Variants in DPY19L4 observed in about 807,000 individuals in gnomAD.
DPY19L4 encodes probable C-mannosyltransferase DPY19L4.
In DPY19L4, 97 loss-of-function variants were observed where a neutral mutation model predicts 102.8. The ratio of observed to expected loss-of-function variants is 0.94; its 90% CI spans 0.80 to 1.12. The LOEUF (loss-of-function observed/expected upper bound fraction) is 1.12. Ranked by LOEUF, DPY19L4 falls within the 50% of genes most tolerant of loss-of-function variation. The probability of loss-of-function intolerance (pLI) is 0.00; values close to 1 mark genes in which losing one functional copy is unlikely to be tolerated. For synonymous variants in DPY19L4, 252 were observed against 283.1 expected (o/e 0.89, Z 1.10); for missense variants, 815 against 850.4 (o/e 0.96, Z 0.52).
Position 94,768,453 on chromosome 8 carries a change from T to G in DPY19L4, c.1234T>G (p.Phe412Val). 2 of 1,609,762 alleles carry G rather than the reference T, an allele frequency of 1.2e-6. No individual in the cohort carries two copies. The highest frequency in any genetic ancestry group is 1.7e-6 in the Non-Finnish European group (2 of 1,178,386). ...ATCCCTGCAGGCACCATCTCAAGAT[T>G]TTTTTCTGCGATTGACACAGTCTTC... Reference protein sequence around the residue: ...QESLQAPSQDFFLRLTQSSLL... With the variant: ...QESLQAPSQDVFLRLTQSSLL... The change falls in exon 12 of 19, where the codon TTT becomes GTT. Residue 412 changes from phenylalanine to valine, a missense_variant. By Grantham distance (50) the Phe-to-Val change is conservative (BLOSUM62 -1). Transcript: ENST00000414645.
In DPY19L4 at chr8:94,734,759, G is replaced by A; in HGVS notation, c.252+5G>A. ...TTCTGGTTTTCCAACAGGCAGGTAA[G>A]AAGAAAGAATTTTGAGCATATGAAA... On this transcript the variant is annotated splice_donor_5th_base_variant and intron_variant, in intron 3 of 18. Transcript: ENST00000414645. 1 of 1,613,248 alleles carries A rather than the reference G, an allele frequency of 6.2e-7. No homozygotes were observed. The highest frequency in any genetic ancestry group is 1.3e-5 in the African/African-American group (1 of 75,020).
chr8:94,780,437 A>G, intron 15 of DPY19L4, 22 bp downstream of exon 15: 4 of 1,383,398 alleles, frequency 2.9e-6, no homozygotes, highest in Non-Finnish European at 3.9e-6. Context: ...AGATTTTTAT[A>G]TTAATAAAAT....
At chr8:94,750,561 CTG>C (rs143871399) in intron 6 of DPY19L4, among the ~76,000 whole-genome samples, 5,438 of 150,542 alleles carry the variant, frequency 0.036, 119 homozygotes, top group Admixed American at 0.041. Context: ...ATATGTGTAT[CTG>C]TGTGTGTGTG....
intron 6 of DPY19L4, among the ~76,000 whole-genome samples, chr8:94,742,309 G>A (rs980869561): frequency 2.6e-5 from 4 of 152,052 alleles, no homozygotes. Context: ...AGCGAGCTGA[G>A]ATCTCGCCAC....
At chr8:94,776,896 C>T (rs1813207472) in intron 13 of DPY19L4, among the ~76,000 whole-genome samples, 2 of 141,476 alleles carry the variant, frequency 1.4e-5, no homozygotes, top group Admixed American at 7.6e-5. Context: ...ACCCAGAAGG[C>T]GGGGGTTGCA....
At chr8:94,783,465 C>T (rs567961814) in intron 16 of DPY19L4, among the ~76,000 whole-genome samples, 25 of 68,972 alleles carry the variant, frequency 3.6e-4, no homozygotes, top group Admixed American at 2.1e-3. Flanking sequence ...AGAAAAGTTT[C>T]TATATCTTCA....
chr8:94,729,367 G>A (rs138261710), intron 2 of DPY19L4, among the ~76,000 whole-genome samples: 1,858 of 148,586 alleles, frequency 0.013, 31 homozygotes, highest in African/African-American at 0.043. Context: ...GTGAGACTCC[G>A]TCTTAAAACA....
At chr8:94,759,367 G>C (rs2130870573) in intron 7 of DPY19L4, among the ~76,000 whole-genome samples, 1 of 152,150 alleles carries the variant, frequency 6.6e-6, no homozygotes, top group Non-Finnish European at 1.5e-5. Flanking sequence ...AGCACTGATT[G>C]GTGCATTTTA....
intron 1 of DPY19L4, among the ~76,000 whole-genome samples, chr8:94,720,511 C>T (rs1032742817): frequency 1.3e-5 from 2 of 151,996 alleles, no homozygotes; most frequent in Admixed American, 6.6e-5. Context: ...TGGGAATGGG[C>T]GAACACGCAG....
intron 8 of DPY19L4, 27 bp downstream of exon 8, chr8:94,761,861 TTTTAAGAGAATAAA>T (rs750408804): frequency 1.3e-6 from 2 of 1,588,612 alleles, no homozygotes; most frequent in South Asian, 2.4e-5. Flanking sequence ...AAATGGTGAT[TTTTAAGAGAATAAA>T]TGTATTTATA....
intron 7 of DPY19L4, among the ~76,000 whole-genome samples, chr8:94,756,956 C>T (rs1304990932): frequency 2.0e-5 from 3 of 152,096 alleles, no homozygotes; most frequent in African/African-American, 7.2e-5. Flanking sequence ...ACCTGGGAGG[C>T]GGAGGTTGTA....
chr8:94,748,686 C>T (rs1811786713), intron 6 of DPY19L4, among the ~76,000 whole-genome samples: 1 of 152,124 alleles, frequency 6.6e-6, no homozygotes, highest in African/African-American at 2.4e-5. Context: ...TTTACTGCCA[C>T]TCCCCATTGC....
intron 16 of DPY19L4, among the ~76,000 whole-genome samples, chr8:94,783,292 A>C (rs1214551313): frequency 1.3e-5 from 2 of 152,168 alleles, no homozygotes; most frequent in Non-Finnish European, 2.9e-5. Flanking sequence ...TAATTTGCAA[A>C]AGATGGAGTT....
intron 1 of DPY19L4, among the ~76,000 whole-genome samples, chr8:94,722,486 C>T (rs6471480): frequency 0.57 from 87,124 of 152,064 alleles, 25,412 homozygotes; most frequent in African/African-American, 0.64. Context: ...ATACATCTTA[C>T]ATGGGACAAT....
At chr8:94,757,832 T>G (rs973137010) in intron 7 of DPY19L4, among the ~76,000 whole-genome samples, 1 of 152,000 alleles carries the variant, frequency 6.6e-6, no homozygotes, top group Non-Finnish European at 1.5e-5. Context: ...ATAGGCCGGG[T>G]GTGGTGGCTC....
At chr8:94,771,520 T>C (rs534327621) in intron 13 of DPY19L4, among the ~76,000 whole-genome samples, 1 of 152,274 alleles carries the variant, frequency 6.6e-6, no homozygotes, top group Non-Finnish European at 1.5e-5. Flanking sequence ...AAAAATAAAA[T>C]TACAACTTTG....
intron 8 of DPY19L4, among the ~76,000 whole-genome samples, chr8:94,763,935 G>T (rs11987988): frequency 5.3e-5 from 8 of 152,032 alleles, no homozygotes; most frequent in African/African-American, 1.9e-4. Flanking sequence ...CTGCCTCCCA[G>T]CGTGCTGGGA....
intron 17 of DPY19L4, among the ~76,000 whole-genome samples, chr8:94,784,435 A>G (rs1813570626): frequency 6.6e-6 from 1 of 150,958 alleles, no homozygotes; most frequent in Non-Finnish European, 1.5e-5. Context: ...TATTGTATTT[A>G]TTTATTTTTT....
chr8:94,788,651 G>T (rs547192447), intron 18 of DPY19L4, among the ~76,000 whole-genome samples: 2 of 150,626 alleles, frequency 1.3e-5, no homozygotes, highest in Non-Finnish European at 3.0e-5. Flanking sequence ...ACGCGCGCGC[G>T]CATGTGTCTT....
Sources: allele counts gnomAD v4.1 joint callset (sites outside exome capture counted in the v4.1 genomes callset), GRCh38; gene constraint gnomAD v4.1.1; transcripts MANE v1.5; gene names NCBI Gene and HGNC (gene_info 2026-07-23, HGNC 2026-07-21).